The following IL1RAPL1 variants were observed in gnomAD, a reference collection of about 807,000 sequenced individuals.
IL1RAPL1 encodes interleukin-1 receptor accessory protein-like 1.
Under a neutral mutation model 48.4 loss-of-function variants are expected in IL1RAPL1, and 3 were observed. The observed-to-expected ratio is 0.06, with a 90% CI of 0.03 to 0.16. The LOEUF is 0.16. Among genes scored for constraint, IL1RAPL1 ranks in the 10% least tolerant of loss-of-function variants. IL1RAPL1 has a pLI of 1.00. For missense variants in IL1RAPL1, 349 were observed against 530.6 expected, an observed-to-expected ratio of 0.66 and a Z score of 3.36; for synonymous variants, 185 against 187.7, an observed-to-expected ratio of 0.99 and a Z score of 0.12.
At chrX:28,956,431 G>A (rs1349416396) in intron 2 of IL1RAPL1, among the ~76,000 whole-genome samples, 2 of 110,743 alleles carry the variant, frequency 1.8e-5, no homozygotes, top group African/African-American at 3.3e-5. Flanking sequence ...TTTGAGATAT[G>A]TCCCATCAAT....
chrX:28,852,122 G>C (rs1273153604), intron 2 of IL1RAPL1, among the ~76,000 whole-genome samples: 2 of 111,383 alleles, frequency 1.8e-5, no homozygotes, highest in Non-Finnish European at 3.8e-5. Flanking sequence ...GAACAGGGAC[G>C]CACACAGGGA....
intron 2 of IL1RAPL1, among the ~76,000 whole-genome samples, chrX:29,076,802 G>GTCTGTCTGTCTA (rs568595100): frequency 1.3e-4 from 13 of 97,246 alleles, no homozygotes; most frequent in African/African-American, 4.2e-4. Flanking sequence ...CTGTCTGTCT[G>GTCTGTCTGTCTA]TCTATCTATC....
chrX:29,262,362 T>A (rs771626545), intron 2 of IL1RAPL1, among the ~76,000 whole-genome samples: 7 of 111,669 alleles, frequency 6.3e-5, no homozygotes, highest in Non-Finnish European at 1.3e-4. Context: ...TTGAGTATCA[T>A]CCTTTAAGTT....
chrX:28,708,151 A>G (rs750385896), intron 1 of IL1RAPL1, among the ~76,000 whole-genome samples: 90 of 111,753 alleles, frequency 8.1e-4, no homozygotes, highest in Admixed American at 3.5e-3. Context: ...AGTTGTGGGC[A>G]TTTATAAACA....
At chrX:29,835,456 A>ACCTATG (rs1271684714) in intron 6 of IL1RAPL1, among the ~76,000 whole-genome samples, 4 of 111,985 alleles carry the variant, frequency 3.6e-5, no homozygotes, top group African/African-American at 6.5e-5. Context: ...CTTGAAGATA[A>ACCTATG]TTGCGTGTAG....
intron 2 of IL1RAPL1, among the ~76,000 whole-genome samples, chrX:28,935,681 G>A (rs1046620263): frequency 8.9e-6 from 1 of 111,898 alleles, no homozygotes; most frequent in East Asian, 2.8e-4. Flanking sequence ...TGACTCCCAC[G>A]TCTATCAAAT....
chrX:28,779,668 A>G lies in IL1RAPL1; in HGVS notation c.-24-9652A>G, dbSNP rs1270842985. Among the ~76,000 whole-genome samples, 4 of 90,045 alleles carry G rather than the reference A, an allele frequency of 4.4e-5. No individual in the cohort carries two copies. In the Admixed American group the frequency reaches 5.0e-4, roughly 11 times the overall value. 78.2% of individuals were successfully genotyped at this position (90,045 alleles called of 115,157 possible). Reference sequence around the variant, plus strand: ...TATATATATATATATATATATATATATATATATATAGAATGTGGAAAGATT... The same window carrying G: ...TATATATATATATATATATATATATGTATATATATAGAATGTGGAAAGATT... On this transcript the variant is annotated intron_variant, in intron 1 of 10. Coordinates refer to ENST00000378993, the MANE Select transcript of IL1RAPL1 (RefSeq NM_014271.4).
chrX:29,715,287 G>A (rs1049574209), intron 6 of IL1RAPL1, among the ~76,000 whole-genome samples: 3 of 111,199 alleles, frequency 2.7e-5, no homozygotes, highest in African/African-American at 9.8e-5. Flanking sequence ...CACCTAGGGG[G>A]CTTATTAAAA....
At chrX:29,629,671 C>T (rs988597934) in intron 5 of IL1RAPL1, among the ~76,000 whole-genome samples, 2 of 111,936 alleles carry the variant, frequency 1.8e-5, no homozygotes, top group Non-Finnish European at 3.8e-5. Flanking sequence ...GCATTTAGTT[C>T]CCATTCTTTC....
At chrX:29,250,042 A>G (rs1267660620) in intron 2 of IL1RAPL1, among the ~76,000 whole-genome samples, 2 of 111,898 alleles carry the variant, frequency 1.8e-5, no homozygotes, top group Non-Finnish European at 3.8e-5. Context: ...GTGATTTCCC[A>G]TATAATAATT....
chrX:29,766,919 A>G (rs1375697593), intron 6 of IL1RAPL1, among the ~76,000 whole-genome samples: 1 of 108,941 alleles, frequency 9.2e-6, no homozygotes, highest in Non-Finnish European at 1.9e-5. Context: ...ATTCTCTTAC[A>G]TAGTCACAAC....
At position 29,590,563 on chromosome X, in the gene IL1RAPL1, C is replaced by A. The variant is rs367961385; in HGVS notation, c.704-77867C>A. Among the ~76,000 whole-genome samples, 14 of 111,598 alleles carry A rather than the reference C, an allele frequency of 1.3e-4. No homozygotes were observed. The East Asian group carries it at 3.7e-3, about 29-fold the overall frequency. ...CATGGCCTCCATGTTTCCTGTGAAA[C>A]CCACAAGAATAGTTGAGCACAATTC... On this transcript the variant is annotated intron_variant, in intron 5 of 10. Coordinates refer to ENST00000378993, the MANE Select transcript of IL1RAPL1 (RefSeq NM_014271.4).
At chrX:28,770,818 A>G (rs755473597) in intron 1 of IL1RAPL1, among the ~76,000 whole-genome samples, 1 of 112,322 alleles carries the variant, frequency 8.9e-6, no homozygotes, top group East Asian at 2.8e-4. Flanking sequence ...TCCATCTACA[A>G]TATGAGGATC....
chrX:29,092,020 A>G (rs1275763744), intron 2 of IL1RAPL1, among the ~76,000 whole-genome samples: 1 of 111,574 alleles, frequency 9.0e-6, no homozygotes, highest in Non-Finnish European at 1.9e-5. Flanking sequence ...CATGTGTAGT[A>G]TAGTTTTTGA....
intron 2 of IL1RAPL1, among the ~76,000 whole-genome samples, chrX:28,921,566 C>A (rs897502144): frequency 1.8e-5 from 2 of 111,297 alleles, no homozygotes; most frequent in Non-Finnish European, 3.8e-5. Context: ...TTGCTGTGGG[C>A]AGCTAGCTGA....
At chrX:29,010,534 T>A (rs1031252441) in intron 2 of IL1RAPL1, among the ~76,000 whole-genome samples, 9 of 112,158 alleles carry the variant, frequency 8.0e-5, no homozygotes, top group Non-Finnish European at 1.7e-4. Context: ...TGCTTATACA[T>A]TCATATTTTT....
At chrX:29,622,046 A>G (rs768886575) in intron 5 of IL1RAPL1, among the ~76,000 whole-genome samples, 1 of 112,279 alleles carries the variant, frequency 8.9e-6, no homozygotes, top group Non-Finnish European at 1.9e-5. Context: ...TTCACTTAAC[A>G]TATTGACCTT....
chrX:29,355,747 A>G (rs1933292767), intron 3 of IL1RAPL1, among the ~76,000 whole-genome samples: 1 of 112,312 alleles, frequency 8.9e-6, no homozygotes, highest in African/African-American at 3.2e-5. Context: ...TTTGTATTAA[A>G]AGGGAATATT....
chrX:29,826,179 C>T (rs1400466328), intron 6 of IL1RAPL1, among the ~76,000 whole-genome samples: 1 of 111,490 alleles, frequency 9.0e-6, no homozygotes, highest in African/African-American at 3.3e-5. Flanking sequence ...CTGACTGACA[C>T]AGTTCAAATC....
Sources: allele counts gnomAD v4.1 joint callset (sites outside exome capture counted in the v4.1 genomes callset), GRCh38; gene constraint gnomAD v4.1.1; transcripts MANE v1.5; gene names NCBI Gene and HGNC (gene_info 2026-07-23, HGNC 2026-07-21).